CPLX1: variants seen among roughly 807,000 people sequenced by gnomAD.
CPLX1 encodes complexin-1.
A neutral mutation model predicts 15.6 loss-of-function variants in CPLX1; 6 were observed. The ratio of observed to expected loss-of-function variants is 0.39; its 90% confidence interval spans 0.21 to 0.76. The LOEUF is 0.76. Among genes scored for constraint, CPLX1 ranks in the 30% least tolerant of loss-of-function variants. CPLX1 has a pLI of 0.43. For synonymous variants in CPLX1, 91 were observed against 75.2 expected (o/e 1.21, Z -1.08); for missense variants, 242 against 188.6 (o/e 1.28, Z -1.66).
chr4:790,841 G>A (rs1310620298), intron 3 of CPLX1, among the ~76,000 whole-genome samples: 1 of 151,892 alleles, frequency 6.6e-6, no homozygotes, highest in African/African-American at 2.4e-5. Flanking sequence ...TCTCCTCTCT[G>A]TTCCCTGTGT....
At chr4:822,612 T>TCCC (rs959112236) in intron 2 of CPLX1, among the ~76,000 whole-genome samples, 2 of 152,142 alleles carry the variant, frequency 1.3e-5, no homozygotes, top group African/African-American at 4.8e-5. Context: ...TGCCTCCTGC[T>TCCC]CCCTCTCCTG....
chr4:800,574 GTGTGTATATATATGTA>G (rs1449309083), intron 2 of CPLX1, among the ~76,000 whole-genome samples: 1 of 144,962 alleles, frequency 6.9e-6, no homozygotes, highest in African/African-American at 2.6e-5. Context: ...ATGTGTGTGT[GTGTGTATATATATGTA>G]TATATATATA....
chr4:786,796 G>A lies in CPLX1; in HGVS notation c.208-98C>T, dbSNP rs1007787928. The A allele has an allele frequency of 5.5e-6, 8 of 1,463,760 alleles. No homozygotes were observed. The African/African-American group carries it at 8.6e-5, about 16-fold the overall frequency. 90.7% of individuals were successfully genotyped at this position (1,463,760 alleles called of 1,614,324 possible). On this transcript the variant is annotated intron_variant, in intron 3 of 3. Coordinates refer to ENST00000304062, the MANE Select transcript of CPLX1 (RefSeq NM_006651.4). ...GACTGGCCCAGGAACCCCCGAAGGC[G>A]TGGGTGCGGCCCCCTACCCCACCAG...
chr4:810,714 G>A (rs1475422517), intron 2 of CPLX1, among the ~76,000 whole-genome samples: 3 of 139,546 alleles, frequency 2.1e-5, no homozygotes, highest in South Asian at 2.3e-4. Flanking sequence ...TTTTTTTTTC[G>A]AGATGGAATT....
At chr4:818,770 C>A (rs1342288977) in intron 2 of CPLX1, among the ~76,000 whole-genome samples, 1 of 152,264 alleles carries the variant, frequency 6.6e-6, no homozygotes, top group East Asian at 1.9e-4. Flanking sequence ...CTCCACGCAT[C>A]CTCTCCTGAA....
chr4:824,000 A>G (rs569302617), intron 2 of CPLX1, among the ~76,000 whole-genome samples: 2 of 152,294 alleles, frequency 1.3e-5, no homozygotes, highest in Admixed American at 1.3e-4. Flanking sequence ...CCCAAGTGAA[A>G]CCCACAGGGT....
chr4:808,694 C>T lies in CPLX1; in HGVS notation c.31+15798G>A, dbSNP rs1028760931. ...CTGGGACACACAAAACGAGGGGAAA[C>T]GATTGAGAACTAGCCACACCCAGAC... is the stretch of plus-strand genomic sequence containing the variant. On this transcript the variant is annotated intron_variant, in intron 2 of 3. Transcript: ENST00000304062. Among the ~76,000 whole-genome samples the T allele has an allele frequency of 5.9e-5, 9 of 152,276 alleles. No homozygotes were observed. In the East Asian group the frequency reaches 9.6e-4, roughly 16 times the overall value.
intron 2 of CPLX1, among the ~76,000 whole-genome samples, chr4:798,773 T>C (rs368882816): frequency 3.9e-5 from 6 of 152,300 alleles, no homozygotes; most frequent in African/African-American, 1.4e-4. Flanking sequence ...ATGTTTTCCT[T>C]TACCTGACAC....
intron 2 of CPLX1, among the ~76,000 whole-genome samples, chr4:809,727 C>T (rs1006556871): frequency 6.6e-5 from 10 of 152,238 alleles, no homozygotes; most frequent in African/African-American, 2.4e-4. Flanking sequence ...CACGTCCAGC[C>T]CTCGGGTTTC....
chr4:809,043 T>C (rs925873523), intron 2 of CPLX1, among the ~76,000 whole-genome samples: 4 of 152,258 alleles, frequency 2.6e-5, no homozygotes, highest in Non-Finnish European at 5.9e-5. Context: ...CCAGCGAGAA[T>C]GTCAGTGCTG....
At chr4:791,422 A>T (rs1746172460) in intron 3 of CPLX1, among the ~76,000 whole-genome samples, 1 of 152,124 alleles carries the variant, frequency 6.6e-6, no homozygotes, top group Non-Finnish European at 1.5e-5. Flanking sequence ...CCTTTTGGGT[A>T]CAGCGGCTGC....
chr4:822,861 G>C (rs1202158108), intron 2 of CPLX1, among the ~76,000 whole-genome samples: 3 of 71,664 alleles, frequency 4.2e-5, no homozygotes, highest in African/African-American at 1.7e-4. Context: ...CAGCAGCTCT[G>C]GCTCCGAGCC....
At chr4:795,770 C>T (rs1746316904) in intron 2 of CPLX1, among the ~76,000 whole-genome samples, 2 of 151,474 alleles carry the variant, frequency 1.3e-5, no homozygotes, top group African/African-American at 2.4e-5. Context: ...GCCCTTCCCA[C>T]CCGGGAGCTC....
At chr4:815,191 A>T (rs2152647652) in intron 2 of CPLX1, among the ~76,000 whole-genome samples, 1 of 152,228 alleles carries the variant, frequency 6.6e-6, no homozygotes, top group South Asian at 2.1e-4. Context: ...CGGGTGGATC[A>T]TCTGAGGTCA....
At chr4:791,697 C>CGGCCTGCTG (rs935630538) in intron 3 of CPLX1, among the ~76,000 whole-genome samples, 1 of 152,326 alleles carries the variant, frequency 6.6e-6, no homozygotes, top group South Asian at 2.1e-4. Flanking sequence ...ACACAGCTTC[C>CGGCCTGCTG]GGCCTGCTGG....
rs1203904805 is a variant in CPLX1 at position 787,975 on chromosome 4, G to T, written c.208-1277C>A. The T allele has an allele frequency of 1.4e-5, 14 of 985,304 alleles. No individual in the cohort carries two copies. In the African/African-American group the frequency reaches 2.4e-4, roughly 17 times the overall value. 61.0% of individuals were successfully genotyped at this position (985,304 alleles called of 1,614,324 possible). A position where few individuals can be genotyped will look rare whatever the true frequency, so the allele number is the denominator to read the frequency against. On this transcript the variant is annotated intron_variant, in intron 3 of 3. Transcript: ENST00000304062. ...ACCCCCGGGCCAGGTCCAAGGTCCT[G>T]GATCTGAGATTACAGGTGCTCTGGA...
At chr4:801,809 C>T (rs1047868968) in intron 2 of CPLX1, among the ~76,000 whole-genome samples, 6 of 152,218 alleles carry the variant, frequency 3.9e-5, no homozygotes, top group Admixed American at 2.0e-4. Flanking sequence ...TAAAGTTGAT[C>T]GACGTGTCAG....
intron 2 of CPLX1, among the ~76,000 whole-genome samples, chr4:801,341 T>C (rs543417725): frequency 7.2e-4 from 109 of 151,900 alleles, no homozygotes; most frequent in Non-Finnish European, 1.3e-3. Context: ...AAAAAAGTCT[T>C]ATATTCAGAA....
intron 2 of CPLX1, among the ~76,000 whole-genome samples, chr4:797,198 T>C (rs1746359483): frequency 6.6e-6 from 1 of 152,236 alleles, no homozygotes; most frequent in Non-Finnish European, 1.5e-5. Flanking sequence ...TTTCCCTTTG[T>C]AGTTGTCCAT....
Sources: gnomAD v4.1 joint callset for allele counts (sites outside exome capture counted in the v4.1 genomes callset) on GRCh38, gnomAD v4.1.1 for gene constraint, MANE v1.5 for transcripts, NCBI Gene and HGNC (gene_info 2026-07-23, HGNC 2026-07-21) for gene names.